SLC30A9: variants seen among roughly 807,000 people sequenced by gnomAD.
SLC30A9 encodes the protein proton-coupled zinc antiporter SLC30A9, mitochondrial.
In SLC30A9, 58 loss-of-function variants were observed where a neutral mutation model predicts 87.5. The ratio of observed to expected loss-of-function variants is 0.66; its 90% confidence interval spans 0.54 to 0.82. The LOEUF is 0.82. SLC30A9 is among the 40% of genes least tolerant of loss of function. The probability of loss-of-function intolerance (pLI) is 0.00; values close to 1 mark genes in which losing one functional copy is unlikely to be tolerated. For missense variants in SLC30A9, 557 were observed against 679.1 expected, an observed-to-expected ratio of 0.82 and a Z score of 2.00; for synonymous variants, 234 against 233.0, an observed-to-expected ratio of 1.00 and a Z score of -0.04.
At chr4:42,045,615 G>A (rs531640856) in intron 8 of SLC30A9, among the ~76,000 whole-genome samples, 8 of 149,986 alleles carry the variant, frequency 5.3e-5, no homozygotes, top group East Asian at 3.9e-4. Context: ...AGGACTAGAC[G>A]GATTCACAGC....
At chr4:41,996,172 T>C (rs1008298589) in intron 1 of SLC30A9, among the ~76,000 whole-genome samples, 1 of 151,942 alleles carries the variant, frequency 6.6e-6, no homozygotes, top group African/African-American at 2.4e-5. Flanking sequence ...CTCGGCAGAC[T>C]GCACCCTCCA....
At chr4:42,010,792 T>C (rs1715405805) in intron 2 of SLC30A9, among the ~76,000 whole-genome samples, 1 of 151,984 alleles carries the variant, frequency 6.6e-6, no homozygotes, top group Non-Finnish European at 1.5e-5. Context: ...AAAGAGAAAA[T>C]TGAAGACATA....
At chr4:42,083,119 T>TGTG (rs1371260243) in intron 17 of SLC30A9, among the ~76,000 whole-genome samples, 3 of 152,214 alleles carry the variant, frequency 2.0e-5, no homozygotes, top group African/African-American at 7.2e-5. Flanking sequence ...GGGAGGCTGC[T>TGTG]GTAGCATTCA....
chr4:42,015,315 G>C (rs979888451), intron 2 of SLC30A9, among the ~76,000 whole-genome samples: 1 of 152,106 alleles, frequency 6.6e-6, no homozygotes, highest in East Asian at 1.9e-4. Context: ...GCAATTGGGG[G>C]ATTGGATGGG....
rs983508647 is a variant in SLC30A9 at position 42,089,611 on chromosome 4, T to G, written c.*3485T>G. On this transcript the variant is annotated 3_prime_UTR_variant, in exon 18 of 18. Transcript: ENST00000264451. ...TTTGTATTTCTGGTTTAGACAAGGT[T>G]TCTCCATGTTGGTCAGGCTGGTCTT... The G allele has an allele frequency of 6.6e-6, 1 of 152,272 alleles. No individual in the cohort carries two copies. Among genetic ancestry groups the G allele is most frequent in the Non-Finnish European group, 1.5e-5 (1 of 68,096 alleles). 9.4% of individuals were successfully genotyped at this position (152,272 alleles called of 1,614,324 possible).
intron 6 of SLC30A9, chr4:42,030,005 C>T: frequency 1.1e-6 from 1 of 899,234 alleles, no homozygotes; most frequent in Non-Finnish European, 1.8e-6. Context: ...TACAGTTCAC[C>T]AACCTTACCA....
intron 1 of SLC30A9, among the ~76,000 whole-genome samples, chr4:42,001,343 A>C (rs2581454): frequency 6.6e-6 from 1 of 151,842 alleles, no homozygotes; most frequent in African/African-American, 2.4e-5. Context: ...CTTGCAACCA[A>C]CATGCAAAAT....
At chr4:42,037,262 T>A in intron 7 of SLC30A9, among the ~76,000 whole-genome samples, 3 of 133,844 alleles carry the variant, frequency 2.2e-5, no homozygotes, top group Admixed American at 7.5e-5. Context: ...TTTTTTTTTT[T>A]TTTTTTTTTT....
At chr4:42,039,148 T>G in intron 8 of SLC30A9, 95 bp downstream of exon 8, 2 of 917,472 alleles carry the variant, frequency 2.2e-6, no homozygotes, top group Non-Finnish European at 3.5e-6. Flanking sequence ...TAGCTAGCTA[T>G]AGAGTTTGAG....
At chr4:42,071,996 T>C (rs1718332384) in intron 15 of SLC30A9, among the ~76,000 whole-genome samples, 2 of 152,204 alleles carry the variant, frequency 1.3e-5, no homozygotes, top group African/African-American at 2.4e-5. Context: ...CTGTTTCTTC[T>C]TGACTTAGTT....
Position 42,086,788 on chromosome 4 carries a change from T to C in SLC30A9, c.*662T>C, listed in dbSNP as rs1718938641. ...TTAGGTCATAGTAGTTGCCATTTTG[T>C]AAAATTTCTTTTTTCTTCTTTGCTT... On this transcript the variant is annotated 3_prime_UTR_variant, in exon 18 of 18. Transcript: ENST00000264451. 1 of 152,656 alleles carries C rather than the reference T, an allele frequency of 6.6e-6. No individual in the cohort carries two copies. Among genetic ancestry groups the C allele is most frequent in the Middle Eastern group, 3.2e-3 (1 of 316 alleles). 9.5% of individuals were successfully genotyped at this position (152,656 alleles called of 1,614,324 possible). A position where few individuals can be genotyped will look rare whatever the true frequency, so the allele number is the denominator to read the frequency against.
intron 2 of SLC30A9, among the ~76,000 whole-genome samples, chr4:42,005,256 C>T (rs1715153657): frequency 6.6e-6 from 1 of 152,038 alleles, no homozygotes; most frequent in African/African-American, 2.4e-5. Context: ...GACTTTCTGC[C>T]TGGAAGGGTT....
At chr4:42,029,743 T>C (rs1468715607) in intron 6 of SLC30A9, 8 of 727,320 alleles carry the variant, frequency 1.1e-5, no homozygotes, top group Non-Finnish European at 1.8e-5. Flanking sequence ...CCACATGTTA[T>C]TATAAAGCTC....
At position 42,088,719 on chromosome 4, in the gene SLC30A9, C is replaced by T. The variant is rs1278619431; in HGVS notation, c.*2593C>T. On this transcript the variant is annotated 3_prime_UTR_variant, in exon 18 of 18. Coordinates refer to ENST00000264451, the MANE Select transcript of SLC30A9 (RefSeq NM_006345.4). ...CTAAAGTATTCATGAGAACTCCACC[C>T]CCGTGATCCAGTCATCTCCCACCAG... The T allele has an allele frequency of 6.6e-6, 1 of 152,310 alleles. No homozygotes were observed. The highest frequency in any genetic ancestry group is 1.5e-5 in the Non-Finnish European group (1 of 68,118). The allele number at this position is 152,310 out of a possible 1,614,324, so 9.4% of individuals were successfully genotyped here.
chr4:42,012,122 C>T (rs1003805506), intron 2 of SLC30A9, among the ~76,000 whole-genome samples: 16 of 151,934 alleles, frequency 1.1e-4, no homozygotes, highest in African/African-American at 3.6e-4. Context: ...TTTTGAGTAC[C>T]AAGCAGGATA....
chr4:42,069,365 T>G (rs984037115), intron 14 of SLC30A9, among the ~76,000 whole-genome samples: 10 of 152,224 alleles, frequency 6.6e-5, no homozygotes, highest in Non-Finnish European at 1.5e-5. Context: ...AAAAAGGTAT[T>G]TTCTTTCAGC....
Position 42,022,915 on chromosome 4 carries a change from C to G in SLC30A9, c.512C>G (p.Ser171Ter), listed in dbSNP as rs748080476. 5.7e-6 allele frequency: 9 copies of G among 1,568,686 alleles called. No individual in the cohort carries two copies. The highest frequency in any genetic ancestry group is 4.3e-6 in the Non-Finnish European group (5 of 1,152,488). Residue 171 changes from serine to a stop codon, truncating the protein, a stop_gained, in exon 5 of 18, where the codon TCA becomes TGA. Transcript: ENST00000264451. LOFTEE classifies it high-confidence loss of function. Reference protein sequence around the residue: ...DTESFTVYLRSDVEAKSLEVW... With the variant: ...DTESFTVYLR The stretch of plus-strand genomic sequence containing the variant: ...GAGTCTTTTACTGTATACTTGAGAT[C>G]AGATGTGGAAGCAAAGTAAGAACAT...
At chr4:42,052,049 T>A (rs1405650536) in intron 9 of SLC30A9, among the ~76,000 whole-genome samples, 1 of 151,288 alleles carries the variant, frequency 6.6e-6, no homozygotes, top group African/African-American at 2.4e-5. Flanking sequence ...TTCAGGAGTG[T>A]AAAGTTGGTT....
intron 11 of SLC30A9, 108 bp from the exon 12 acceptor site, chr4:42,065,202 G>A (rs1718031503): frequency 2.9e-6 from 2 of 679,748 alleles, no homozygotes; most frequent in Admixed American, 2.1e-5. Context: ...TTACTGTCTG[G>A]CTTAAATTTG....
Sources: allele counts gnomAD v4.1 joint callset (sites outside exome capture counted in the v4.1 genomes callset), GRCh38; gene constraint gnomAD v4.1.1; transcripts MANE v1.5; gene names NCBI Gene and HGNC (gene_info 2026-07-23, HGNC 2026-07-21).